ERBB4: variants seen among roughly 807,000 people sequenced by gnomAD.
The protein encoded by ERBB4 is erb-b2 receptor tyrosine kinase 4, also known as receptor tyrosine-protein kinase erbB-4.
In ERBB4, 42 loss-of-function variants were observed where a neutral mutation model predicts 158.0. The observed-to-expected ratio is 0.27, with a 90% confidence interval of 0.21 to 0.34. The LOEUF is 0.34. Among genes scored for constraint, ERBB4 ranks in the 10% least tolerant of loss-of-function variants. The probability of loss-of-function intolerance (pLI) is 1.00; values close to 1 mark genes in which losing one functional copy is unlikely to be tolerated. For synonymous variants in ERBB4, 583 were observed against 558.7 expected (o/e 1.04, Z -0.61); for missense variants, 1,333 against 1,624.1 (o/e 0.82, Z 3.08).
At chr2:212,077,080 C>T (rs1478158295) in intron 2 of ERBB4, among the ~76,000 whole-genome samples, 1 of 151,520 alleles carries the variant, frequency 6.6e-6, no homozygotes, top group East Asian at 1.9e-4. Context: ...AAAGTAAAAC[C>T]AAAATGGAAT....
At chr2:211,638,177 T>C (rs2070432312) in intron 16 of ERBB4, among the ~76,000 whole-genome samples, 2 of 151,944 alleles carry the variant, frequency 1.3e-5, no homozygotes. Flanking sequence ...TTTTTTTAAC[T>C]TATATGGGAT....
intron 20 of ERBB4, among the ~76,000 whole-genome samples, chr2:211,474,386 G>A (rs1384185283): frequency 6.6e-6 from 1 of 151,948 alleles, no homozygotes; most frequent in Non-Finnish European, 1.5e-5. Context: ...AATTTTATTA[G>A]AATCACATTA....
At chr2:211,647,347 G>GTC (rs1022307077) in intron 16 of ERBB4, among the ~76,000 whole-genome samples, 3 of 151,286 alleles carry the variant, frequency 2.0e-5, no homozygotes, top group Non-Finnish European at 4.4e-5. Flanking sequence ...CTATTTCCCA[G>GTC]TCTCTCTCTC....
rs1393394713 is a variant in ERBB4, at chr2:212,180,413, C to T, written c.83-55510G>A. 2.0e-5 allele frequency among the ~76,000 whole-genome samples: 3 copies of T among 151,580 alleles called. No individual in the cohort carries two copies. The East Asian group carries it at 5.8e-4, about 29-fold the overall frequency. On this transcript the variant is annotated intron_variant, in intron 1 of 27. Coordinates refer to ENST00000342788, the MANE Select transcript of ERBB4 (RefSeq NM_005235.3). Reference sequence around the variant, plus strand: ...TCAGAAACAAGTCCACTTAGACAGACTAAAAACATTCAAATATGCAGAGGC... The same window carrying T: ...TCAGAAACAAGTCCACTTAGACAGATTAAAAACATTCAAATATGCAGAGGC...
At chr2:211,993,808 A>G (rs1044083323) in intron 2 of ERBB4, among the ~76,000 whole-genome samples, 4 of 151,794 alleles carry the variant, frequency 2.6e-5, no homozygotes, top group African/African-American at 9.7e-5. Flanking sequence ...AAAAAAACCT[A>G]GTAGATTCCA....
intron 2 of ERBB4, among the ~76,000 whole-genome samples, chr2:212,095,097 C>T (rs2078890248): frequency 1.3e-5 from 2 of 151,998 alleles, no homozygotes; most frequent in South Asian, 2.1e-4. Context: ...TGCCTTACAC[C>T]TTATGTCATC....
At chr2:211,399,743 A>G (rs1276737050) in intron 25 of ERBB4, among the ~76,000 whole-genome samples, 2 of 152,210 alleles carry the variant, frequency 1.3e-5, no homozygotes, top group Admixed American at 6.5e-5. Context: ...TAGTATGACA[A>G]CATTCCCCTA....
intron 25 of ERBB4, among the ~76,000 whole-genome samples, chr2:211,413,709 A>T (rs937769848): frequency 6.6e-6 from 1 of 151,986 alleles, no homozygotes; most frequent in Non-Finnish European, 1.5e-5. Context: ...AAAGTTATGC[A>T]TAGAGGCGAT....
At chr2:211,490,537 G>C (rs913081086) in intron 20 of ERBB4, among the ~76,000 whole-genome samples, 7 of 151,974 alleles carry the variant, frequency 4.6e-5, no homozygotes, top group Non-Finnish European at 1.0e-4. Flanking sequence ...AAGATAATGA[G>C]TTTATATAAC....
intron 13 of ERBB4, 86 bp from the exon 14 acceptor site, chr2:211,673,343 G>A: frequency 1.1e-6 from 1 of 923,456 alleles, no homozygotes; most frequent in Non-Finnish European, 1.8e-6. Flanking sequence ...AAGTCCTATT[G>A]GCAGAGTAAA....
chr2:211,790,455 A>T, intron 3 of ERBB4, among the ~76,000 whole-genome samples: 1 of 152,090 alleles, frequency 6.6e-6, no homozygotes, highest in East Asian at 1.9e-4. Flanking sequence ...AAATTTTTCA[A>T]ATAGAATCAG....
chr2:212,219,551 T>A (rs1235813621), intron 1 of ERBB4, among the ~76,000 whole-genome samples: 1 of 151,312 alleles, frequency 6.6e-6, no homozygotes, highest in African/African-American at 2.4e-5. Context: ...CTCCCACTTG[T>A]GTTAGTTAAA....
At chr2:211,845,425 TC>T (rs2077565468) in intron 3 of ERBB4, among the ~76,000 whole-genome samples, 1 of 152,106 alleles carries the variant, frequency 6.6e-6, no homozygotes, top group Admixed American at 6.6e-5. Flanking sequence ...TGAGTATTAT[TC>T]CCAGATAGGA....
chr2:212,220,052 T>C (rs1055505800), intron 1 of ERBB4, among the ~76,000 whole-genome samples: 6 of 151,228 alleles, frequency 4.0e-5, no homozygotes, highest in African/African-American at 1.5e-4. Flanking sequence ...ACTATCACAG[T>C]ACCTTAAGGA....
intron 16 of ERBB4, among the ~76,000 whole-genome samples, chr2:211,631,445 C>T (rs1559365718): frequency 6.6e-6 from 1 of 152,116 alleles, no homozygotes; most frequent in African/African-American, 2.4e-5. Context: ...CAGCATCATA[C>T]ACTCATAAAA....
chr2:211,892,762 A>G (rs2125009379), intron 3 of ERBB4, among the ~76,000 whole-genome samples: 1 of 144,498 alleles, frequency 6.9e-6, no homozygotes, highest in East Asian at 1.9e-4. Flanking sequence ...CTTATACACC[A>G]ACAACAGACA....
chr2:211,569,624 G>C (rs546498491), intron 19 of ERBB4, among the ~76,000 whole-genome samples: 42 of 152,312 alleles, frequency 2.8e-4, no homozygotes, highest in Middle Eastern at 3.4e-3. Flanking sequence ...CCTGAGATCA[G>C]ATTTATGAAA....
chr2:212,163,141 A>C lies in ERBB4; in HGVS notation c.83-38238T>G, dbSNP rs1430530301. On this transcript the variant is annotated intron_variant, in intron 1 of 27. Transcript: ENST00000342788. ...TTTTATGGCATGTTTTTTGCTTTGT[A>C]CCTTCCTGTCCATCAAATTTAATAT... Among the ~76,000 whole-genome samples, 6 of 152,038 alleles carry C rather than the reference A, an allele frequency of 3.9e-5. No individual in the cohort carries two copies. In the East Asian group the frequency reaches 5.8e-4, roughly 15 times the overall value.
intron 3 of ERBB4, among the ~76,000 whole-genome samples, chr2:211,923,712 G>GTTGTA (rs113673706): frequency 0.073 from 11,085 of 151,620 alleles, 848 homozygotes; most frequent in African/African-American, 0.2. Flanking sequence ...CATAATCTAA[G>GTTGTA]TTGTATTGTA....
Sources: gnomAD v4.1 joint callset for allele counts (sites outside exome capture counted in the v4.1 genomes callset) on GRCh38, gnomAD v4.1.1 for gene constraint, MANE v1.5 for transcripts, NCBI Gene and HGNC (gene_info 2026-07-23, HGNC 2026-07-21) for gene names.